CABCOCO1: variants seen among roughly 807,000 people sequenced by gnomAD.
CABCOCO1 encodes ciliary-associated calcium-binding coiled-coil protein 1.
In CABCOCO1, 28 loss-of-function variants were observed where a neutral mutation model predicts 35.7. That is an observed-to-expected ratio of 0.78 (90% CI 0.58 to 1.07). The LOEUF is 1.07. CABCOCO1 is among the 50% of genes least tolerant of loss of function. The pLI is 0.00. For missense variants in CABCOCO1, 326 were observed against 309.2 expected (o/e 1.05, Z -0.41); for synonymous variants, 95 against 100.1 (o/e 0.95, Z 0.30).
At chr10:61,734,096 A>T (rs1318153012) in intron 5 of CABCOCO1, among the ~76,000 whole-genome samples, 1 of 151,976 alleles carries the variant, frequency 6.6e-6, no homozygotes, top group Non-Finnish European at 1.5e-5. Context: ...AGATAAATTA[A>T]TGCTACTTAT....
At chr10:61,755,312 G>A (rs2588993) in intron 5 of CABCOCO1, among the ~76,000 whole-genome samples, 140,089 of 152,146 alleles carry the variant, frequency 0.92, 64,528 homozygotes, top group Middle Eastern at 0.95. Flanking sequence ...AATTTCCAGA[G>A]CCACACAAGT....
chr10:61,683,765 T>C (rs373914870), intron 3 of CABCOCO1, among the ~76,000 whole-genome samples: 1 of 152,178 alleles, frequency 6.6e-6, no homozygotes, highest in Non-Finnish European at 1.5e-5. Context: ...CATCACTAAA[T>C]GTGATTTTTA....
intron 5 of CABCOCO1, among the ~76,000 whole-genome samples, chr10:61,693,366 C>T (rs1415888136): frequency 6.6e-6 from 1 of 152,054 alleles, no homozygotes; most frequent in East Asian, 1.9e-4. Context: ...GATCTCAGGG[C>T]TCTGGGACCA....
At chr10:61,743,422 G>C (rs1445628622) in intron 5 of CABCOCO1, among the ~76,000 whole-genome samples, 1 of 151,928 alleles carries the variant, frequency 6.6e-6, no homozygotes, top group Non-Finnish European at 1.5e-5. Flanking sequence ...ATTAGCACTC[G>C]ACTAAATTTC....
intron 5 of CABCOCO1, among the ~76,000 whole-genome samples, chr10:61,726,885 C>T (rs1311216948): frequency 6.7e-6 from 1 of 149,520 alleles, no homozygotes; most frequent in Non-Finnish European, 1.5e-5. Context: ...TGGCAAAACC[C>T]CGTCTCTACA....
intron 5 of CABCOCO1, among the ~76,000 whole-genome samples, chr10:61,755,423 T>C (rs925055095): frequency 6.6e-6 from 1 of 152,102 alleles, no homozygotes; most frequent in Non-Finnish European, 1.5e-5. Context: ...CCTTAGTTAA[T>C]AGTCAGGAAA....
At chr10:61,667,600 A>T (rs182633390) in intron 1 of CABCOCO1, among the ~76,000 whole-genome samples, 1 of 151,964 alleles carries the variant, frequency 6.6e-6, no homozygotes, top group African/African-American at 2.4e-5. Context: ...TAATTTATAT[A>T]GATACTATAC....
rs1404726571 is a variant in CABCOCO1, at chr10:61,666,952, GTATAAATATAATTATATATTATA to G, written c.60+3951_60+3973del. On this transcript the variant is annotated intron_variant, in intron 1 of 7. Coordinates refer to ENST00000648843, the MANE Select transcript of CABCOCO1 (RefSeq NM_001366906.2). The stretch of plus-strand genomic sequence containing the variant: ...ATATATAAATATAATTATATATTAT[GTATAAATATAATTATATATTATA>G]TATAAATATAATTATATATTATATA... 3.4e-3 allele frequency among the ~76,000 whole-genome samples: 452 copies of G among 131,768 alleles called. 2 individuals carry two copies. Among genetic ancestry groups the G allele is most frequent in the Admixed American group, 9.2e-3 (113 of 12,322 alleles). The allele number at this position is 131,768 out of a possible 152,430, so 86.4% of individuals were successfully genotyped here.
intron 1 of CABCOCO1, among the ~76,000 whole-genome samples, chr10:61,664,348 A>T (rs1839100406): frequency 6.6e-6 from 1 of 152,190 alleles, no homozygotes; most frequent in African/African-American, 2.4e-5. Flanking sequence ...ACCCACGTAG[A>T]CCATGTCCTT....
chr10:61,667,601 G>A (rs1338286797), intron 1 of CABCOCO1, among the ~76,000 whole-genome samples: 1 of 151,640 alleles, frequency 6.6e-6, no homozygotes, highest in Non-Finnish European at 1.5e-5. Flanking sequence ...AATTTATATA[G>A]ATACTATACC....
chr10:61,670,179 G>T (rs1329871943), intron 1 of CABCOCO1, among the ~76,000 whole-genome samples: 1 of 151,870 alleles, frequency 6.6e-6, no homozygotes, highest in Non-Finnish European at 1.5e-5. Context: ...AATCTAATGG[G>T]ATTGACCCTA....
chr10:61,749,522 A>C (rs1841735692), intron 5 of CABCOCO1, among the ~76,000 whole-genome samples: 1 of 152,238 alleles, frequency 6.6e-6, no homozygotes. Flanking sequence ...TTTTGGAACA[A>C]TGCACTGTAG....
At chr10:61,715,489 A>G (rs1185884766) in intron 5 of CABCOCO1, among the ~76,000 whole-genome samples, 2 of 152,078 alleles carry the variant, frequency 1.3e-5, no homozygotes, top group Non-Finnish European at 2.9e-5. Flanking sequence ...GTGTCCTTTA[A>G]TTGGGGCATT....
At position 61,766,065 on chromosome 10, in the gene CABCOCO1, A is replaced by G. The variant is rs530003050; in HGVS notation, c.*52A>G. The G allele has an allele frequency of 6.6e-7, 1 of 1,508,902 alleles. No homozygotes were observed. Among genetic ancestry groups the G allele is most frequent in the Admixed American group, 1.8e-5 (1 of 56,898 alleles). 93.5% of individuals were successfully genotyped at this position (1,508,902 alleles called of 1,614,324 possible). ...AAACTTCACAGAAACAAACAAAACC[A>G]GCCAGAATAACAGACTCTCTGGAGC... On this transcript the variant is annotated 3_prime_UTR_variant, in exon 8 of 8. Transcript: ENST00000648843.
rs565588873 is a variant in CABCOCO1, at chr10:61,747,548, C to T, written c.553-12511C>T. On this transcript the variant is annotated intron_variant, in intron 5 of 7. Transcript: ENST00000648843. ...TGTAGATTGTATAATTAGATTAAGC[C>T]AATTAATGCTGTGGCTTGGTTTTGC... Among the ~76,000 whole-genome samples the T allele has an allele frequency of 2.0e-5, 3 of 152,044 alleles. No individual in the cohort carries two copies. The South Asian group carries it at 6.2e-4, about 31-fold the overall frequency.
chr10:61,758,086 G>A (rs1166915902), intron 5 of CABCOCO1, among the ~76,000 whole-genome samples: 2 of 152,108 alleles, frequency 1.3e-5, no homozygotes, highest in East Asian at 3.9e-4. Context: ...GATTATCTCA[G>A]TGCCTGCAGT....
Position 61,682,276 on chromosome 10 carries a change from A to G in CABCOCO1, c.334+964A>G, listed in dbSNP as rs1371662880. Among the ~76,000 whole-genome samples the G allele has an allele frequency of 5.9e-5, 9 of 152,310 alleles. No homozygotes were observed. The East Asian group carries it at 1.7e-3, about 29-fold the overall frequency. On this transcript the variant is annotated intron_variant, in intron 3 of 7. Coordinates refer to ENST00000648843, the MANE Select transcript of CABCOCO1 (RefSeq NM_001366906.2). The stretch of plus-strand genomic sequence containing the variant: ...GGATCCATCCAACTCCTCATAAACT[A>G]TGAGAGAGAAAGTACATATGTAGAA...
intron 5 of CABCOCO1, among the ~76,000 whole-genome samples, chr10:61,722,977 G>C (rs1841059467): frequency 6.6e-6 from 1 of 152,144 alleles, no homozygotes; most frequent in Non-Finnish European, 1.5e-5. Context: ...AGATAAAGTA[G>C]AAAAGCTGTT....
In CABCOCO1 at chr10:61,739,937, G is replaced by A. The variant is rs188447143; in HGVS notation, c.553-20122G>A. Among the ~76,000 whole-genome samples the A allele has an allele frequency of 3.6e-3, 540 of 151,626 alleles. 3 individuals carry two copies. Among genetic ancestry groups the A allele is most frequent in the Admixed American group, 8.3e-3 (126 of 15,220 alleles). Reference sequence around the variant, plus strand: ...AGCCTGGGCGACAGAGCGAGACTCCGTCTCAAAAAAAAAATTATAAAGGAA... The same window carrying A: ...AGCCTGGGCGACAGAGCGAGACTCCATCTCAAAAAAAAAATTATAAAGGAA... On this transcript the variant is annotated intron_variant, in intron 5 of 7. Coordinates refer to ENST00000648843, the MANE Select transcript of CABCOCO1 (RefSeq NM_001366906.2).
Sources: gnomAD v4.1 joint callset for allele counts (sites outside exome capture counted in the v4.1 genomes callset) on GRCh38, gnomAD v4.1.1 for gene constraint, MANE v1.5 for transcripts, NCBI Gene and HGNC (gene_info 2026-07-23, HGNC 2026-07-21) for gene names.